CNTNAP2: variants seen among roughly 807,000 people sequenced by gnomAD.
CNTNAP2 encodes contactin-associated protein-like 2.
A neutral mutation model predicts 155.2 loss-of-function variants in CNTNAP2; 98 were observed. That is an observed-to-expected ratio of 0.63 (90% confidence interval 0.54 to 0.75). The LOEUF (loss-of-function observed/expected upper bound fraction) is 0.75, where lower values mean the gene tolerates loss of function less well. CNTNAP2 is among the 30% of genes least tolerant of loss of function. The pLI is 0.00. For synonymous variants in CNTNAP2, 651 were observed against 631.2 expected (o/e 1.03, Z -0.47); for missense variants, 1,727 against 1,688.1 (o/e 1.02, Z -0.40).
intron 2 of CNTNAP2, among the ~76,000 whole-genome samples, chr7:146,821,154 C>G (rs1346768875): frequency 6.6e-5 from 10 of 151,912 alleles, no homozygotes; most frequent in African/African-American, 2.4e-4. Flanking sequence ...GGAGCATTTA[C>G]CCCATTTACA....
intron 10 of CNTNAP2, among the ~76,000 whole-genome samples, chr7:147,476,175 G>A (rs897361516): frequency 1.3e-5 from 2 of 151,612 alleles, no homozygotes; most frequent in Admixed American, 6.6e-5. Flanking sequence ...GCACGATCTC[G>A]GCTCACTGCA....
At chr7:147,884,456 C>T (rs1174120634) in intron 13 of CNTNAP2, among the ~76,000 whole-genome samples, 2 of 150,052 alleles carry the variant, frequency 1.3e-5, no homozygotes, top group Non-Finnish European at 2.9e-5. Flanking sequence ...TAATTTGTCA[C>T]ATTCATTACA....
At chr7:148,412,845 C>A (rs1799873389) in intron 23 of CNTNAP2, among the ~76,000 whole-genome samples, 1 of 152,148 alleles carries the variant, frequency 6.6e-6, no homozygotes, top group African/African-American at 2.4e-5. Flanking sequence ...TGTCCTTTAT[C>A]AGATTGAGAA....
intron 1 of CNTNAP2, among the ~76,000 whole-genome samples, chr7:146,666,830 A>G (rs1430208056): frequency 6.6e-6 from 1 of 152,018 alleles, no homozygotes; most frequent in Admixed American, 6.6e-5. Flanking sequence ...CCCATTTTTT[A>G]ATCAAGTTGT....
At chr7:147,780,303 T>C (rs1448759948) in intron 13 of CNTNAP2, among the ~76,000 whole-genome samples, 1 of 152,226 alleles carries the variant, frequency 6.6e-6, no homozygotes, top group Non-Finnish European at 1.5e-5. Flanking sequence ...TAATTGCCAG[T>C]GGCTGCTTCA....
chr7:146,492,204 G>A (rs1203661895), intron 1 of CNTNAP2, among the ~76,000 whole-genome samples: 2 of 145,016 alleles, frequency 1.4e-5, no homozygotes, highest in Non-Finnish European at 3.0e-5. Context: ...ACATATAAAA[G>A]GTTGAGAGAA....
chr7:148,127,447 G>T (rs1249841345), intron 16 of CNTNAP2, among the ~76,000 whole-genome samples: 1 of 152,164 alleles, frequency 6.6e-6, no homozygotes, highest in Non-Finnish European at 1.5e-5. Context: ...CCAAGTTTGA[G>T]ATTTTTAAGG....
intron 21 of CNTNAP2, among the ~76,000 whole-genome samples, chr7:148,311,893 G>A (rs1268191675): frequency 2.0e-5 from 3 of 152,172 alleles, no homozygotes. Flanking sequence ...AGTCATAGGG[G>A]TCAGGTGTGG....
At chr7:147,908,690 A>G (rs1292043357) in intron 14 of CNTNAP2, among the ~76,000 whole-genome samples, 8 of 152,254 alleles carry the variant, frequency 5.3e-5, no homozygotes, top group African/African-American at 1.7e-4. Flanking sequence ...TAGCACATAC[A>G]TCCAAATGAA....
At chr7:147,262,221 A>T (rs1804488553) in intron 8 of CNTNAP2, among the ~76,000 whole-genome samples, 1 of 152,228 alleles carries the variant, frequency 6.6e-6, no homozygotes, top group Admixed American at 6.5e-5. Context: ...GAAACGTTTA[A>T]AAAACCTGCA....
chr7:147,929,907 C>G (rs1046894551), intron 14 of CNTNAP2, among the ~76,000 whole-genome samples: 5 of 152,184 alleles, frequency 3.3e-5, no homozygotes, highest in Non-Finnish European at 7.3e-5. Context: ...ATAAGGAGCA[C>G]ACAACCTAGA....
At chr7:148,270,255 G>A (rs190205700) in intron 21 of CNTNAP2, among the ~76,000 whole-genome samples, 43 of 152,332 alleles carry the variant, frequency 2.8e-4, no homozygotes, top group East Asian at 7.7e-4. Context: ...AGTGTACCAT[G>A]AGCCTCAGAT....
At chr7:146,763,769 G>A (rs1199095184) in intron 1 of CNTNAP2, among the ~76,000 whole-genome samples, 2 of 152,058 alleles carry the variant, frequency 1.3e-5, no homozygotes, top group Admixed American at 1.3e-4. Context: ...ATAAAATGAA[G>A]ATCATATTAT....
intron 3 of CNTNAP2, among the ~76,000 whole-genome samples, chr7:147,030,799 G>T (rs970994988): frequency 1.3e-5 from 2 of 152,136 alleles, no homozygotes; most frequent in Admixed American, 1.3e-4. Context: ...TGGGAGGATT[G>T]CTTGAGCCCA....
intron 1 of CNTNAP2, among the ~76,000 whole-genome samples, chr7:146,159,950 C>A (rs927366750): frequency 1.3e-5 from 2 of 152,180 alleles, no homozygotes; most frequent in Admixed American, 1.3e-4. Context: ...CTTCTCAGTG[C>A]CACATCACAC....
rs377290787 is a variant in CNTNAP2 at position 147,575,511 on chromosome 7, CTGTGTG to C, written c.1897+13274_1897+13279del. 6.0e-4 allele frequency among the ~76,000 whole-genome samples: 80 copies of C among 132,672 alleles called. 1 individual carries two copies. The highest frequency in any genetic ancestry group is 1.8e-3 in the African/African-American group (63 of 34,978). The allele number at this position is 132,672 out of a possible 152,430, so 87.0% of individuals were successfully genotyped here. On this transcript the variant is annotated intron_variant, in intron 12 of 23. Transcript: ENST00000361727. ...ATTCCCTAGCTTTAGGGGTATACAACTGTGTGTGTGTGTGTGTGTGTGTGTATGTGT... is the reference window on the plus strand; with the variant it reads ...ATTCCCTAGCTTTAGGGGTATACAACTGTGTGTGTGTGTGTGTGTATGTGT...
intron 15 of CNTNAP2, among the ~76,000 whole-genome samples, chr7:148,058,256 G>A (rs112538662): frequency 6.6e-6 from 1 of 152,224 alleles, no homozygotes; most frequent in African/African-American, 2.4e-5. Flanking sequence ...GAATTGGCAA[G>A]CTCTCAAAGC....
intron 14 of CNTNAP2, among the ~76,000 whole-genome samples, chr7:147,959,473 A>G (rs1322877992): frequency 1.3e-5 from 2 of 152,124 alleles, no homozygotes; most frequent in Admixed American, 1.3e-4. Flanking sequence ...AGCCAATGGT[A>G]GGGTAGAAGA....
intron 1 of CNTNAP2, among the ~76,000 whole-genome samples, chr7:146,194,585 C>T (rs1054915384): frequency 2.6e-5 from 4 of 152,140 alleles, no homozygotes; most frequent in African/African-American, 9.7e-5. Flanking sequence ...TGGGTGGGAA[C>T]ACAGCCAAAC....
Sources: gnomAD v4.1 joint callset for allele counts (sites outside exome capture counted in the v4.1 genomes callset) on GRCh38, gnomAD v4.1.1 for gene constraint, MANE v1.5 for transcripts, NCBI Gene and HGNC (gene_info 2026-07-23, HGNC 2026-07-21) for gene names.